Variants in PARD3 observed in about 807,000 individuals in gnomAD.
The protein encoded by PARD3 is partitioning defective 3 homolog.
PARD3 carries 75 observed loss-of-function variants against 155.4 expected under a neutral mutation model. That is an observed-to-expected ratio of 0.48 (90% CI 0.40 to 0.58). The LOEUF is 0.58. Ranked by LOEUF, PARD3 falls within the 20% of genes least tolerant of loss-of-function variation. PARD3 has a pLI of 0.00. For missense variants in PARD3, 1,642 were observed against 1,721.7 expected (o/e 0.95, Z 0.82); for synonymous variants, 576 against 610.5 (o/e 0.94, Z 0.83).
chr10:34,217,536 G>C (rs1184238113), intron 22 of PARD3, among the ~76,000 whole-genome samples: 4 of 152,234 alleles, frequency 2.6e-5, no homozygotes, highest in South Asian at 4.2e-4. Flanking sequence ...ATAAGGAAAT[G>C]GGGGGCCGGT....
intron 18 of PARD3, among the ~76,000 whole-genome samples, chr10:34,332,252 C>T (rs1257187023): frequency 2.0e-5 from 3 of 152,146 alleles, no homozygotes; most frequent in African/African-American, 7.2e-5. Context: ...GCAATCAAAA[C>T]TGATTTCTTT....
chr10:34,451,859 C>T (rs932142378), intron 4 of PARD3, among the ~76,000 whole-genome samples: 3 of 150,588 alleles, frequency 2.0e-5, no homozygotes, highest in Admixed American at 6.6e-5. Flanking sequence ...TAAGGTTCAC[C>T]GTATCTCAAG....
At chr10:34,776,009 G>T (rs1282036548) in intron 1 of PARD3, among the ~76,000 whole-genome samples, 1 of 152,128 alleles carries the variant, frequency 6.6e-6, no homozygotes, top group Non-Finnish European at 1.5e-5. Flanking sequence ...AGGATTGATT[G>T]AGCTCAGGAG....
At chr10:34,331,064 T>C in intron 19 of PARD3, 53 bp downstream of exon 19, 1 of 1,450,344 alleles carries the variant, frequency 6.9e-7, no homozygotes, top group South Asian at 1.2e-5. Context: ...GAGCTCACTT[T>C]AAGAAATAGA....
At position 34,524,963 on chromosome 10, in the gene PARD3, C is replaced by T. The variant is rs182800549; in HGVS notation, c.223-7804G>A. On this transcript the variant is annotated intron_variant, in intron 2 of 24. Coordinates refer to ENST00000374788, the MANE Select transcript of PARD3 (RefSeq NM_001184785.2). ...TTACGTAGACACAACAAAAAGGGAA[C>T]TAAAAATCAATTTGTAAGCTTTCTG... 1.3e-3 allele frequency among the ~76,000 whole-genome samples: 196 copies of T among 152,244 alleles called. 1 individual carries two copies. Among genetic ancestry groups the T allele is most frequent in the Middle Eastern group, 3.4e-3 (1 of 294 alleles).
chr10:34,379,267 C>T (rs181492117), intron 9 of PARD3, among the ~76,000 whole-genome samples: 90 of 152,042 alleles, frequency 5.9e-4, no homozygotes, highest in Non-Finnish European at 1.0e-3. Context: ...ATTAAAGAAA[C>T]ATTAAAGGAG....
At chr10:34,427,329 C>A (rs192346527) in intron 5 of PARD3, among the ~76,000 whole-genome samples, 6 of 152,280 alleles carry the variant, frequency 3.9e-5, no homozygotes, top group Admixed American at 3.9e-4. Flanking sequence ...CATTCCCAGG[C>A]GGGGCCTCTC....
intron 2 of PARD3, among the ~76,000 whole-genome samples, chr10:34,680,759 T>A (rs1356253418): frequency 7.0e-6 from 1 of 143,366 alleles, no homozygotes; most frequent in African/African-American, 2.6e-5. Flanking sequence ...CCACATATTC[T>A]CACTCATAGG....
chr10:34,586,196 A>T (rs1236596357), intron 2 of PARD3, among the ~76,000 whole-genome samples: 1 of 152,216 alleles, frequency 6.6e-6, no homozygotes, highest in African/African-American at 2.4e-5. Flanking sequence ...GGTAAAAAGA[A>T]CCAAGAATAT....
chr10:34,426,659 T>C (rs1319680305), intron 5 of PARD3: 1 of 152,220 alleles, frequency 6.6e-6, no homozygotes, highest in East Asian at 1.9e-4. Flanking sequence ...TTTGTTCAAA[T>C]GAATGTCCTT....
intron 1 of PARD3, among the ~76,000 whole-genome samples, chr10:34,710,146 A>G (rs1179411407): frequency 6.6e-6 from 1 of 152,230 alleles, no homozygotes; most frequent in Non-Finnish European, 1.5e-5. Context: ...ATATAACAAT[A>G]GAGAATGGGA....
chr10:34,162,009 A>G (rs1003744885), intron 22 of PARD3, among the ~76,000 whole-genome samples: 1 of 152,214 alleles, frequency 6.6e-6, no homozygotes, highest in Non-Finnish European at 1.5e-5. Flanking sequence ...AAACATAGTC[A>G]TTGTAGTTGG....
rs534130106 is a variant in PARD3 at position 34,224,062 on chromosome 10, T to C, written c.3419+45595A>G. On this transcript the variant is annotated intron_variant, in intron 22 of 24. Coordinates refer to ENST00000374788, the MANE Select transcript of PARD3 (RefSeq NM_001184785.2). ...ACTTGATCCTTACAGTTTGATATGG[T>C]TCAAACTCCTAAGCAGGTCAGCCTC... 4.6e-5 allele frequency among the ~76,000 whole-genome samples: 7 copies of C among 152,344 alleles called. No individual in the cohort carries two copies. In the East Asian group the frequency reaches 1.3e-3, roughly 29 times the overall value.
At chr10:34,661,465 T>C (rs1314134172) in intron 2 of PARD3, among the ~76,000 whole-genome samples, 1 of 152,308 alleles carries the variant, frequency 6.6e-6, no homozygotes, top group African/African-American at 2.4e-5. Flanking sequence ...GAACATGAAT[T>C]GGCTAACCAC....
chr10:34,710,374 T>G (rs2094432795), intron 1 of PARD3, among the ~76,000 whole-genome samples: 1 of 152,220 alleles, frequency 6.6e-6, no homozygotes, highest in African/African-American at 2.4e-5. Flanking sequence ...AATATATACG[T>G]GCAGTTTTAA....
chr10:34,371,958 A>G (rs1840711509), intron 12 of PARD3, among the ~76,000 whole-genome samples: 1 of 152,160 alleles, frequency 6.6e-6, no homozygotes, highest in Non-Finnish European at 1.5e-5. Context: ...TTTTCTTAAC[A>G]GGATGCAACT....
At chr10:34,646,490 T>A (rs17491878) in intron 2 of PARD3, among the ~76,000 whole-genome samples, 1,930 of 152,292 alleles carry the variant, frequency 0.013, 15 homozygotes, top group Middle Eastern at 0.034. Context: ...TGCAAACAGA[T>A]TAATATCACT....
At chr10:34,359,938 T>C (rs1159641870) in intron 13 of PARD3, 133 bp downstream of exon 13, 1 of 659,842 alleles carries the variant, frequency 1.5e-6, no homozygotes, top group African/African-American at 1.8e-5. Context: ...TACACCTAGT[T>C]GTTTAAATGT....
At chr10:34,580,361 A>T (rs1193477018) in intron 2 of PARD3, among the ~76,000 whole-genome samples, 1 of 152,100 alleles carries the variant, frequency 6.6e-6, no homozygotes, top group East Asian at 1.9e-4. Flanking sequence ...CTCTAGAAAA[A>T]AAAAATAAAA....
Sources: gnomAD v4.1 joint callset for allele counts (sites outside exome capture counted in the v4.1 genomes callset) on GRCh38, gnomAD v4.1.1 for gene constraint, MANE v1.5 for transcripts, NCBI Gene and HGNC (gene_info 2026-07-23, HGNC 2026-07-21) for gene names.